Variants in STPG2 observed in about 807,000 individuals in gnomAD.
STPG2 encodes sperm-tail PG-rich repeat-containing protein 2.
A neutral mutation model predicts 54.2 loss-of-function variants in STPG2; 56 were observed. The observed-to-expected ratio is 1.03, with a 90% confidence interval of 0.83 to 1.29. The LOEUF is 1.29. Ranked by LOEUF, STPG2 falls within the 50% of genes most tolerant of loss-of-function variation. The pLI is 0.00. For synonymous variants in STPG2, 200 were observed against 181.8 expected (o/e 1.10, Z -0.81); for missense variants, 596 against 544.9 (o/e 1.09, Z -0.93).
At chr4:97,939,448 G>A (rs2149227473) in intron 8 of STPG2, among the ~76,000 whole-genome samples, 1 of 152,290 alleles carries the variant, frequency 6.6e-6, no homozygotes, top group East Asian at 1.9e-4. Flanking sequence ...TCTCTTTGTA[G>A]GTCTCTAAGA....
At chr4:97,679,841 A>T (rs1030517965) in intron 10 of STPG2, among the ~76,000 whole-genome samples, 17 of 152,138 alleles carry the variant, frequency 1.1e-4, no homozygotes, top group Admixed American at 6.5e-5. Flanking sequence ...AGCTTTCTAC[A>T]TATGGCTAGC....
chr4:98,113,187 T>C (rs1451797319), intron 3 of STPG2, among the ~76,000 whole-genome samples: 1 of 151,970 alleles, frequency 6.6e-6, no homozygotes, highest in Non-Finnish European at 1.5e-5. Flanking sequence ...AAGAGAACAT[T>C]GGTGGAAATG....
chr4:97,641,581 C>A (rs1223803044), intron 10 of STPG2, among the ~76,000 whole-genome samples: 3 of 151,180 alleles, frequency 2.0e-5, no homozygotes, highest in Non-Finnish European at 3.0e-5. Flanking sequence ...TTCATTATAA[C>A]TTTTATTATT....
intron 5 of STPG2, among the ~76,000 whole-genome samples, chr4:98,003,199 T>C (rs1179841724): frequency 6.6e-6 from 1 of 152,086 alleles, no homozygotes; most frequent in Non-Finnish European, 1.5e-5. Context: ...CAAAGACTAC[T>C]GTCAGCACTC....
chr4:97,563,440 CA>C (rs1189626630), intron 10 of STPG2, among the ~76,000 whole-genome samples: 1 of 152,114 alleles, frequency 6.6e-6, no homozygotes. Context: ...CTATTTCCTT[CA>C]GTTCTGCTCT....
chr4:97,700,652 G>A (rs568629976), intron 10 of STPG2, among the ~76,000 whole-genome samples: 2 of 152,330 alleles, frequency 1.3e-5, no homozygotes, highest in South Asian at 2.1e-4. Flanking sequence ...TGTCATCAGT[G>A]TAATAGACCA....
intron 10 of STPG2, among the ~76,000 whole-genome samples, chr4:97,657,451 T>C (rs910210413): frequency 2.6e-5 from 4 of 152,176 alleles, no homozygotes; most frequent in African/African-American, 9.7e-5. Context: ...CAGGATGACA[T>C]AAAATATTTT....
intron 9 of STPG2, among the ~76,000 whole-genome samples, chr4:97,813,763 A>T (rs1426728810): frequency 6.7e-6 from 1 of 148,542 alleles, no homozygotes; most frequent in East Asian, 2.0e-4. Context: ...TTAAATTTTT[A>T]AAATATATTT....
At chr4:97,538,206 C>T (rs528015899) in intron 4 of STPG2, among the ~76,000 whole-genome samples, 16 of 152,316 alleles carry the variant, frequency 1.1e-4, no homozygotes, top group Admixed American at 5.9e-4. Flanking sequence ...ATGACTTTGA[C>T]GAGTTGAGAG....
At chr4:97,713,836 C>T (rs575804628) in intron 9 of STPG2, among the ~76,000 whole-genome samples, 16 of 152,178 alleles carry the variant, frequency 1.1e-4, no homozygotes, top group African/African-American at 3.4e-4. Context: ...GATAGGGAGA[C>T]GTAATTTTTT....
At chr4:97,454,490 G>A (rs1302854387) in intron 4 of STPG2, among the ~76,000 whole-genome samples, 13 of 122,112 alleles carry the variant, frequency 1.1e-4, no homozygotes, top group South Asian at 5.8e-4. Flanking sequence ...TCCGCAGTCC[G>A]GCCTGGGCGA....
intron 5 of STPG2, among the ~76,000 whole-genome samples, chr4:98,037,863 A>G (rs1246688040): frequency 6.6e-6 from 1 of 152,082 alleles, no homozygotes; most frequent in African/African-American, 2.4e-5. Context: ...AAAAGCCTAC[A>G]TGGTGTCTAG....
intron 8 of STPG2, among the ~76,000 whole-genome samples, chr4:97,902,097 A>G (rs78198682): frequency 1.3e-5 from 2 of 152,162 alleles, no homozygotes; most frequent in East Asian, 3.9e-4. Context: ...AAACCTGAGT[A>G]TCCATGAGCA....
intron 2 of STPG2, among the ~76,000 whole-genome samples, chr4:98,130,951 C>T (rs5014702): frequency 9.9e-6 from 1 of 100,540 alleles, no homozygotes; most frequent in Non-Finnish European, 2.1e-5. Flanking sequence ...AAAAAAAAAA[C>T]GACTTTCCAA....
chr4:97,817,079 G>T (rs1727941025), intron 9 of STPG2, among the ~76,000 whole-genome samples: 2 of 149,498 alleles, frequency 1.3e-5, no homozygotes, highest in Non-Finnish European at 3.0e-5. Flanking sequence ...GAAGTTAAAA[G>T]AACAGGCCCA....
At chr4:97,946,914 T>C (rs1211956529) in intron 7 of STPG2, among the ~76,000 whole-genome samples, 1 of 152,126 alleles carries the variant, frequency 6.6e-6, no homozygotes, top group Non-Finnish European at 1.5e-5. Flanking sequence ...GATTGTTTCT[T>C]TTAATTCTGT....
chr4:97,534,369 T>A (rs1731482404), intron 4 of STPG2, among the ~76,000 whole-genome samples: 1 of 152,108 alleles, frequency 6.6e-6, no homozygotes. Context: ...GACTTACACA[T>A]CTTCTCCTAT....
At chr4:97,781,957 C>A (rs1330703814) in intron 9 of STPG2, among the ~76,000 whole-genome samples, 3 of 152,188 alleles carry the variant, frequency 2.0e-5, no homozygotes, top group Non-Finnish European at 4.4e-5. Context: ...CTATTTATAA[C>A]AAACCCACAG....
intron 8 of STPG2, among the ~76,000 whole-genome samples, chr4:97,939,919 T>A (rs1303108216): frequency 6.6e-6 from 1 of 152,210 alleles, no homozygotes; most frequent in African/African-American, 2.4e-5. Flanking sequence ...TGTTTAAATG[T>A]GTTTCATATT....
Sources: gnomAD v4.1 joint callset for allele counts (sites outside exome capture counted in the v4.1 genomes callset) on GRCh38, gnomAD v4.1.1 for gene constraint, MANE v1.5 for transcripts, NCBI Gene and HGNC (gene_info 2026-07-23, HGNC 2026-07-21) for gene names.